The following SPIRE1 variants were observed in gnomAD, a reference collection of about 807,000 sequenced individuals.
SPIRE1 encodes the protein spire type actin nucleation factor 1, also known as protein spire homolog 1.
Under a neutral mutation model 94.1 loss-of-function variants are expected in SPIRE1, and 40 were observed. That is an observed-to-expected ratio of 0.43 (90% CI 0.33 to 0.55). The LOEUF (loss-of-function observed/expected upper bound fraction) is 0.55, where lower values mean the gene tolerates loss of function less well. Among genes scored for constraint, SPIRE1 ranks in the 20% least tolerant of loss-of-function variants. The pLI is 0.06. For synonymous variants in SPIRE1, 376 were observed against 371.7 expected, an observed-to-expected ratio of 1.01 and a Z score of -0.13; for missense variants, 838 against 975.2, an observed-to-expected ratio of 0.86 and a Z score of 1.87.
intron 3 of SPIRE1, among the ~76,000 whole-genome samples, chr18:12,536,553 G>T (rs1219814678): frequency 6.6e-6 from 1 of 152,054 alleles, no homozygotes; most frequent in Admixed American, 6.5e-5. Context: ...ATGGACCTCA[G>T]GGAAGCTGCC....
chr18:12,484,572 T>G (rs962489291), intron 9 of SPIRE1, among the ~76,000 whole-genome samples: 1 of 152,228 alleles, frequency 6.6e-6, no homozygotes, highest in African/African-American at 2.4e-5. Context: ...TAGAACTCTT[T>G]AAATATGAAT....
intron 12 of SPIRE1, chr18:12,460,005 T>C (rs868170167): frequency 1.5e-6 from 1 of 656,762 alleles, no homozygotes; most frequent in Middle Eastern, 7.7e-4. Context: ...ACAAGTGACC[T>C]ACACATAGTG....
At chr18:12,454,732 G>A (rs962590616) in intron 12 of SPIRE1, among the ~76,000 whole-genome samples, 5 of 152,120 alleles carry the variant, frequency 3.3e-5, no homozygotes, top group African/African-American at 9.7e-5. Context: ...AGTTCCTCAC[G>A]TTTGCTCAGG....
chr18:12,468,370 T>C (rs1454256518), intron 10 of SPIRE1, among the ~76,000 whole-genome samples: 1 of 152,168 alleles, frequency 6.6e-6, no homozygotes, highest in Non-Finnish European at 1.5e-5. Context: ...GGTCCTCTCA[T>C]GTTTCCTTTA....
chr18:12,612,268 C>T (rs891623718), intron 2 of SPIRE1, among the ~76,000 whole-genome samples: 3 of 152,186 alleles, frequency 2.0e-5, no homozygotes, highest in African/African-American at 7.2e-5. Context: ...GGAGAAAACA[C>T]AGAAAACTAT....
chr18:12,524,656 G>A (rs962442684), intron 4 of SPIRE1, among the ~76,000 whole-genome samples: 1 of 152,114 alleles, frequency 6.6e-6, no homozygotes, highest in African/African-American at 2.4e-5. Flanking sequence ...ACCGTGCCTG[G>A]TGAATTGTGC....
At chr18:12,580,864 G>C (rs2036239625) in intron 2 of SPIRE1, among the ~76,000 whole-genome samples, 1 of 152,126 alleles carries the variant, frequency 6.6e-6, no homozygotes, top group African/African-American at 2.4e-5. Flanking sequence ...TTCAGTTGGA[G>C]AGAAAGCAGT....
chr18:12,605,871 C>T (rs1199867840), intron 2 of SPIRE1, among the ~76,000 whole-genome samples: 2 of 152,170 alleles, frequency 1.3e-5, no homozygotes, highest in Non-Finnish European at 2.9e-5. Context: ...CCCTACACGA[C>T]CTAGCTCCCT....
At chr18:12,631,910 T>C (rs1345979352) in intron 2 of SPIRE1, among the ~76,000 whole-genome samples, 1 of 151,870 alleles carries the variant, frequency 6.6e-6, no homozygotes, top group African/African-American at 2.4e-5. Context: ...CCAGGTGTGG[T>C]GACATGCACC....
rs939218713 is a variant in SPIRE1 at position 12,447,870 on chromosome 18, T to A, written c.*1768A>T. ...TTCCCCCTTGTGCCCTTCTGGGTAG[T>A]CATTTTAAAAACTCAAGCCTGGGGT... On this transcript the variant is annotated 3_prime_UTR_variant, in exon 17 of 17. Transcript: ENST00000409402. The A allele has an allele frequency of 6.6e-5, 10 of 152,220 alleles. No individual in the cohort carries two copies. The highest frequency in any genetic ancestry group is 2.2e-4 in the African/African-American group (9 of 41,460). 9.4% of individuals were successfully genotyped at this position (152,220 alleles called of 1,614,324 possible). A position where few individuals can be genotyped will look rare whatever the true frequency, so the allele number is the denominator to read the frequency against.
chr18:12,648,441 AG>A (rs1365601502), intron 1 of SPIRE1, among the ~76,000 whole-genome samples: 1 of 152,186 alleles, frequency 6.6e-6, no homozygotes, highest in Non-Finnish European at 1.5e-5. Flanking sequence ...TAAAAATACC[AG>A]GCAAGTCCAA....
upstream of SPIRE1, chr18:12,661,390 G>A (rs1159185506): frequency 1.0e-6 from 1 of 981,216 alleles, no homozygotes; most frequent in African/African-American, 1.8e-5. Flanking sequence ...CCACTCAAAG[G>A]CTACCAGCCA....
chr18:12,646,215 T>C (rs955522520), intron 1 of SPIRE1, among the ~76,000 whole-genome samples: 2 of 152,116 alleles, frequency 1.3e-5, no homozygotes, highest in Non-Finnish European at 2.9e-5. Flanking sequence ...GTCTTCCTTT[T>C]AGGCTACAGC....
intron 12 of SPIRE1, 80 bp from the exon 13 acceptor site, chr18:12,454,563 C>A: frequency 3.1e-6 from 4 of 1,309,720 alleles, no homozygotes; most frequent in Non-Finnish European, 4.4e-6. Flanking sequence ...AGATCAGACC[C>A]CTGATTAGTA....
At chr18:12,603,661 G>A (rs1036855863) in intron 2 of SPIRE1, among the ~76,000 whole-genome samples, 1 of 150,110 alleles carries the variant, frequency 6.7e-6, no homozygotes, top group Non-Finnish European at 1.5e-5. Flanking sequence ...TGCAACCTCC[G>A]CCTCCTGGGT....
intron 10 of SPIRE1, among the ~76,000 whole-genome samples, chr18:12,466,555 C>T (rs187762793): frequency 1.1e-3 from 160 of 152,230 alleles, no homozygotes; most frequent in Non-Finnish European, 1.2e-3. Context: ...GCTGGGATTA[C>T]AGGCATGAGA....
Position 12,574,525 on chromosome 18 carries a change from G to T in SPIRE1, c.373-27621C>A, listed in dbSNP as rs978672808. 5.9e-4 allele frequency among the ~76,000 whole-genome samples: 90 copies of T among 152,202 alleles called. 2 individuals are homozygous for T. The highest frequency in any genetic ancestry group is 2.1e-4 in the South Asian group (1 of 4,830). On this transcript the variant is annotated intron_variant, in intron 2 of 16. Coordinates refer to ENST00000409402, the MANE Select transcript of SPIRE1 (RefSeq NM_001128626.2). Reference sequence around the variant, plus strand: ...GATAGTGGTAGAATTTACTGATATGGAAAACTGGAGGAAAAAGAGTTTGGA... The same window carrying T: ...GATAGTGGTAGAATTTACTGATATGTAAAACTGGAGGAAAAAGAGTTTGGA...
chr18:12,499,227 C>T (rs566307650), intron 6 of SPIRE1, among the ~76,000 whole-genome samples: 1 of 152,098 alleles, frequency 6.6e-6, no homozygotes, highest in South Asian at 2.1e-4. Context: ...CATGTTGATA[C>T]CTAGTTGTCC....
At chr18:12,555,944 ATCTATTAGAAT>A (rs1881518243) in intron 2 of SPIRE1, among the ~76,000 whole-genome samples, 1 of 152,194 alleles carries the variant, frequency 6.6e-6, no homozygotes, top group African/African-American at 2.4e-5. Context: ...CCTCCCGAAA[ATCTATTAGAAT>A]TGATAAATTC....
Sources: allele counts gnomAD v4.1 joint callset (sites outside exome capture counted in the v4.1 genomes callset), GRCh38; gene constraint gnomAD v4.1.1; transcripts MANE v1.5; gene names NCBI Gene and HGNC (gene_info 2026-07-23, HGNC 2026-07-21).